TLE4: variants seen among roughly 807,000 people sequenced by gnomAD.
TLE4 encodes TLE family member 4, transcriptional corepressor.
Under a neutral mutation model 92.8 loss-of-function variants are expected in TLE4, and 8 were observed. The observed-to-expected ratio is 0.09, with a 90% CI of 0.05 to 0.16. TLE4 has a LOEUF of 0.16. Ranked by LOEUF, TLE4 falls within the 10% of genes least tolerant of loss-of-function variation. TLE4 has a pLI of 1.00. For synonymous variants in TLE4, 371 were observed against 374.1 expected (o/e 0.99, Z 0.10); for missense variants, 675 against 997.6 (o/e 0.68, Z 4.36).
Position 79,576,195 on chromosome 9 carries a change from A to G in TLE4, c.252+18A>G. On this transcript the variant is annotated intron_variant, in intron 4 of 19. Coordinates refer to ENST00000376552, the MANE Select transcript of TLE4 (RefSeq NM_007005.6). ...ACAAGCAGGTAAGTTATTTCTTTAT[A>G]ACCATTTTAAATGACAGTAATACTG... The G allele has an allele frequency of 6.6e-7, 1 of 1,516,214 alleles. No homozygotes were observed. The highest frequency in any genetic ancestry group is 1.4e-5 in the African/African-American group (1 of 72,800). 93.9% of individuals were successfully genotyped at this position (1,516,214 alleles called of 1,614,324 possible). A position where few individuals can be genotyped will look rare whatever the true frequency, so the allele number is the denominator to read the frequency against.
chr9:79,714,366 G>GT (rs1231686278), intron 14 of TLE4, among the ~76,000 whole-genome samples: 4 of 152,162 alleles, frequency 2.6e-5, no homozygotes, highest in African/African-American at 9.7e-5. Context: ...GATCTGGTAT[G>GT]TTTTTTCAGA....
rs1213552493 is a variant in TLE4 at position 79,613,209 on chromosome 9, T to C, written c.315+491T>C. On this transcript the variant is annotated intron_variant, in intron 5 of 19. Coordinates refer to ENST00000376552, the MANE Select transcript of TLE4 (RefSeq NM_007005.6). Reference sequence around the variant, plus strand: ...TTTCCTGATTAAGTCTTTATATTATTGTGCTTTTGGGAAAAGACCTGCAAG... The same window carrying C: ...TTTCCTGATTAAGTCTTTATATTATCGTGCTTTTGGGAAAAGACCTGCAAG... Among the ~76,000 whole-genome samples, 3 of 152,180 alleles carry C rather than the reference T, an allele frequency of 2.0e-5. No individual in the cohort carries two copies. The East Asian group carries it at 5.8e-4, about 29-fold the overall frequency.
Position 79,722,472 on chromosome 9 carries a change from C to T in TLE4, c.2008C>T (p.Pro670Ser). Residue 670 changes from proline to serine, a missense_variant, in exon 18 of 20, where the codon CCA becomes TCA. This residue lies in a region of TLE4 where 170 missense variants were observed against 359.6 expected (regional missense o/e 0.47). Transcript: ENST00000376552. Reference sequence around the variant, plus strand: ...CTAGATCTTTTCTCTGGGCTACTGCCCAACTGGAGAGTGGCTTGCAGTGGG... The same window carrying T: ...CTAGATCTTTTCTCTGGGCTACTGCTCAACTGGAGAGTGGCTTGCAGTGGG... ...TSQIFSLGYCPTGEWLAVGME... is the reference protein window; with the variant it reads ...TSQIFSLGYCSTGEWLAVGME... 1.2e-6 allele frequency: 2 copies of T among 1,614,142 alleles called. No homozygotes were observed. Among genetic ancestry groups the T allele is most frequent in the Non-Finnish European group, 1.7e-6 (2 of 1,180,016 alleles).
chr9:79,679,555 AT>A (rs1303644493), intron 8 of TLE4, among the ~76,000 whole-genome samples: 4 of 152,032 alleles, frequency 2.6e-5, no homozygotes, highest in African/African-American at 9.7e-5. Flanking sequence ...ATTTTCTCCC[AT>A]TTTATAGGTT....
chr9:79,664,009 G>A (rs1364371949), intron 8 of TLE4, among the ~76,000 whole-genome samples: 1 of 152,218 alleles, frequency 6.6e-6, no homozygotes, highest in African/African-American at 2.4e-5. Flanking sequence ...ACGGGGCACA[G>A]TGTATGTGAA....
At chr9:79,646,874 A>G (rs968816262) in intron 6 of TLE4, among the ~76,000 whole-genome samples, 1 of 152,134 alleles carries the variant, frequency 6.6e-6, no homozygotes, top group African/African-American at 2.4e-5. Context: ...TTCTGTTTTG[A>G]TATTTTGTAT....
intron 8 of TLE4, among the ~76,000 whole-genome samples, chr9:79,695,729 C>A (rs1481078767): frequency 1.3e-5 from 2 of 152,174 alleles, no homozygotes; most frequent in African/African-American, 4.8e-5. Flanking sequence ...CTGGAGGGAG[C>A]TCCTTGGATA....
chr9:79,631,664 T>TGTGTGTG (rs1323328890), intron 6 of TLE4, among the ~76,000 whole-genome samples: 2 of 43,858 alleles, frequency 4.6e-5, no homozygotes, highest in Non-Finnish European at 6.3e-5. Context: ...GTGTGTGTGT[T>TGTGTGTG]TTCTACATTG....
At chr9:79,591,790 A>G (rs1009644964) in intron 4 of TLE4, among the ~76,000 whole-genome samples, 3 of 152,180 alleles carry the variant, frequency 2.0e-5, no homozygotes, top group Admixed American at 1.3e-4. Flanking sequence ...TCATGGTACC[A>G]TTCATTGATA....
intron 8 of TLE4, among the ~76,000 whole-genome samples, chr9:79,690,590 T>C (rs1411991895): frequency 2.0e-5 from 3 of 152,020 alleles, no homozygotes; most frequent in Non-Finnish European, 4.4e-5. Flanking sequence ...AATATTCTTT[T>C]AGGTTACCTA....
chr9:79,647,560 A>G (rs563462076), intron 6 of TLE4, among the ~76,000 whole-genome samples: 129 of 152,242 alleles, frequency 8.5e-4, no homozygotes, highest in Middle Eastern at 3.4e-3. Context: ...TATTTCTTCT[A>G]GTTTAATTTT....
chr9:79,592,195 T>C (rs201180699), intron 4 of TLE4, among the ~76,000 whole-genome samples: 1 of 137,802 alleles, frequency 7.3e-6, no homozygotes. Context: ...CTTCTTCTTC[T>C]TCTTCTTCTT....
intron 4 of TLE4, among the ~76,000 whole-genome samples, chr9:79,581,589 A>G (rs2039683704): frequency 6.6e-6 from 1 of 152,228 alleles, no homozygotes. Context: ...CACTGCCAAA[A>G]TTCTTATCGT....
chr9:79,667,636 C>T (rs919065361), intron 8 of TLE4, among the ~76,000 whole-genome samples: 16 of 152,064 alleles, frequency 1.1e-4, no homozygotes, highest in African/African-American at 3.6e-4. Context: ...AAATGCGTAT[C>T]CTGCCTATTG....
rs181930941 is a variant in TLE4, at chr9:79,601,895, A to G, written c.253-10761A>G. Reference sequence around the variant, plus strand: ...CCAAAAGCTAGGTGCGTTGTGCCCAACAGCCAAGTTATAAATGCAAGTAAA... The same window carrying G: ...CCAAAAGCTAGGTGCGTTGTGCCCAGCAGCCAAGTTATAAATGCAAGTAAA... On this transcript the variant is annotated intron_variant, in intron 4 of 19. Transcript: ENST00000376552. Among the ~76,000 whole-genome samples, 119 of 152,334 alleles carry G rather than the reference A, an allele frequency of 7.8e-4. 1 individual carries two copies. Among genetic ancestry groups the G allele is most frequent in the African/African-American group, 2.7e-3 (111 of 41,572 alleles).
chr9:79,697,661 G>A (rs969591983), intron 8 of TLE4, among the ~76,000 whole-genome samples: 8 of 151,758 alleles, frequency 5.3e-5, no homozygotes, highest in Admixed American at 1.3e-4. Context: ...AGAAACCCCC[G>A]AGAGGACATT....
Position 79,572,678 on chromosome 9 carries a change from C to T in TLE4, c.-113C>T, listed in dbSNP as rs1238418679. 5.8e-6 allele frequency: 6 copies of T among 1,036,684 alleles called. No homozygotes were observed. The highest frequency in any genetic ancestry group is 2.8e-5 in the Admixed American group (1 of 36,328). 64.2% of individuals were successfully genotyped at this position (1,036,684 alleles called of 1,614,324 possible). ...CGGCGGGGGCCGGGACCGCCCGAGC[C>T]GCCCCTCAGACCGAGCCGGCCGCCT... On this transcript the variant is annotated 5_prime_UTR_variant, in exon 1 of 20. Coordinates refer to ENST00000376552, the MANE Select transcript of TLE4 (RefSeq NM_007005.6).
chr9:79,696,530 C>T (rs1344367226), intron 8 of TLE4, among the ~76,000 whole-genome samples: 2 of 151,850 alleles, frequency 1.3e-5, no homozygotes, highest in East Asian at 3.9e-4. Flanking sequence ...TTGTATTACC[C>T]TCAGACATTG....
chr9:79,675,707 T>G, intron 8 of TLE4, among the ~76,000 whole-genome samples: 1 of 152,170 alleles, frequency 6.6e-6, no homozygotes, highest in African/African-American at 2.4e-5. Context: ...CCACTGTGGT[T>G]GGTCATTTTG....
Sources: allele counts gnomAD v4.1 joint callset (sites outside exome capture counted in the v4.1 genomes callset), GRCh38; gene constraint gnomAD v4.1.1; regional missense constraint gnomAD v4.1.1; transcripts MANE v1.5; gene names NCBI Gene and HGNC (gene_info 2026-07-23, HGNC 2026-07-21).